ZNF253: variants seen among roughly 807,000 people sequenced by gnomAD.
The protein encoded by ZNF253 is zinc finger protein 253.
Under a neutral mutation model 11.9 loss-of-function variants are expected in ZNF253, and 8 were observed. The ratio of observed to expected loss-of-function variants is 0.67; its 90% CI spans 0.40 to 1.22. The LOEUF (loss-of-function observed/expected upper bound fraction) is 1.22, where lower values mean the gene tolerates loss of function less well. ZNF253 is among the 50% of genes most tolerant of loss of function. ZNF253 has a pLI of 0.01. For synonymous variants in ZNF253, 194 were observed against 194.9 expected (o/e 1.00, Z 0.04); for missense variants, 485 against 586.9 (o/e 0.83, Z 1.79).
chr19:19,876,650 A>G (rs2063157329), intron 1 of ZNF253, among the ~76,000 whole-genome samples: 1 of 152,128 alleles, frequency 6.6e-6, no homozygotes, highest in East Asian at 1.9e-4. Flanking sequence ...GCATATTATC[A>G]AGATACGGGT....
At chr19:19,872,580 T>TATATATATATATATATATATATATATATA (rs1555777030) in intron 1 of ZNF253, among the ~76,000 whole-genome samples, 3 of 108,378 alleles carry the variant, frequency 2.8e-5, no homozygotes, top group African/African-American at 1.5e-4. Flanking sequence ...TATATATATA[T>TATATATATATATATATATATATATATATA]TATTATATAT....
At chr19:19,889,566 G>A (rs1054213790) in intron 3 of ZNF253, among the ~76,000 whole-genome samples, 14 of 151,770 alleles carry the variant, frequency 9.2e-5, no homozygotes, top group Non-Finnish European at 1.6e-4. Context: ...GGCTGATCTT[G>A]AACTCCTGAC....
intron 3 of ZNF253, among the ~76,000 whole-genome samples, chr19:19,886,347 A>G (rs887289058): frequency 6.6e-6 from 1 of 152,222 alleles, no homozygotes; most frequent in Non-Finnish European, 1.5e-5. Flanking sequence ...CCAGATGCAA[A>G]TAAGAATATT....
intron 3 of ZNF253, among the ~76,000 whole-genome samples, chr19:19,884,395 C>T (rs966936627): frequency 4.6e-4 from 69 of 150,486 alleles, no homozygotes; most frequent in African/African-American, 1.6e-3. Flanking sequence ...TTTTTGAGAT[C>T]GAGTCTCCCG....
At chr19:19,875,681 C>T (rs2063152424) in intron 1 of ZNF253, among the ~76,000 whole-genome samples, 1 of 152,192 alleles carries the variant, frequency 6.6e-6, no homozygotes, top group Admixed American at 6.5e-5. Context: ...AGGCGTGAGC[C>T]ACCGCGCCCA....
chr19:19,867,098 C>A (rs1052970735), intron 1 of ZNF253, among the ~76,000 whole-genome samples: 1 of 152,092 alleles, frequency 6.6e-6, no homozygotes, highest in African/African-American at 2.4e-5. Flanking sequence ...AACAACACTT[C>A]AGGAGGTCGA....
chr19:19,891,531 A>C lies in ZNF253; in HGVS notation c.284A>C (p.Gln95Pro), dbSNP rs2063229564. The C allele has an allele frequency of 6.2e-7, 1 of 1,613,164 alleles. No individual in the cohort carries two copies. The highest frequency in any genetic ancestry group is 1.1e-5 in the South Asian group (1 of 90,934). Residue 95 changes from glutamine (Q) to proline (P), a missense_variant, in exon 4 of 4, where the codon CAA (glutamine) becomes CCA (proline). Physicochemically the swap from Gln to Pro is moderately conservative, Grantham distance 76 (BLOSUM62 -1). Coordinates refer to ENST00000589717, the MANE Select transcript of ZNF253 (RefSeq NM_021047.3). ...CCAGAGAACATACAAAATTCTTTCC[A>C]AATAGGGATGCTGAGAAGATATGAA... ...LWPENIQNSF[Q>P]IGMLRRYEEC...
chr19:19,866,753 C>T (rs2063113027), intron 1 of ZNF253, among the ~76,000 whole-genome samples: 1 of 152,126 alleles, frequency 6.6e-6, no homozygotes, highest in Admixed American at 6.6e-5. Context: ...CCGCCTCGGC[C>T]TCCCAGTTTG....
At position 19,892,463 on chromosome 19, in the gene ZNF253, AC is replaced by A; in HGVS notation, c.1218del (p.Trp407GlyfsTer33). 6.2e-7 allele frequency: 1 copy of A among 1,614,050 alleles called. No individual in the cohort carries two copies. Among genetic ancestry groups the A allele is most frequent in the South Asian group, 1.1e-5 (1 of 91,078 alleles). On this transcript the variant is annotated frameshift_variant, in exon 4 of 4. Coordinates refer to ENST00000589717, the MANE Select transcript of ZNF253 (RefSeq NM_021047.3). LOFTEE classifies it low-confidence loss of function (END_TRUNC). ...YKCDECGKTF[T>X]WPSILSKHKR... ...ATGTGATGAATGTGGCAAAACCTTT[AC>A]CTGGCCCTCAATCCTCTCCAAACAT...
intron 1 of ZNF253, among the ~76,000 whole-genome samples, chr19:19,871,887 C>G (rs2063135169): frequency 6.6e-6 from 1 of 152,074 alleles, no homozygotes; most frequent in African/African-American, 2.4e-5. Flanking sequence ...TCTAGAATTA[C>G]CAGACATGAT....
In ZNF253 at chr19:19,894,160, T is replaced by C. The variant is rs2122147677; in HGVS notation, c.*1413T>C. On this transcript the variant is annotated 3_prime_UTR_variant, in exon 4 of 4. Coordinates refer to ENST00000589717, the MANE Select transcript of ZNF253 (RefSeq NM_021047.3). ...ATAAAAACTAATCCACAGCTACAGCTGTTAGATAAATTATTTCTATATAAT... is the reference window on the plus strand; with the variant it reads ...ATAAAAACTAATCCACAGCTACAGCCGTTAGATAAATTATTTCTATATAAT... 6.6e-6 allele frequency: 1 copy of C among 152,350 alleles called. No homozygotes were observed. Among genetic ancestry groups the C allele is most frequent in the South Asian group, 2.1e-4 (1 of 4,832 alleles). The allele number at this position is 152,350 out of a possible 1,614,324, so 9.4% of individuals were successfully genotyped here. A position where few individuals can be genotyped will look rare whatever the true frequency, so the allele number is the denominator to read the frequency against.
intron 3 of ZNF253, among the ~76,000 whole-genome samples, chr19:19,890,600 A>G (rs2122140267): frequency 1.3e-5 from 2 of 150,290 alleles, no homozygotes; most frequent in South Asian, 4.2e-4. Flanking sequence ...TTAGCTCACT[A>G]CAATCTCCGT....
chr19:19,891,661 T>C lies in ZNF253; in HGVS notation c.414T>C (p.Thr138=). 1 of 1,614,138 alleles carries C rather than the reference T, an allele frequency of 6.2e-7. No homozygotes were observed. Among genetic ancestry groups the C allele is most frequent in the South Asian group, 1.1e-5 (1 of 91,080 alleles). ...ATGGACTTAACCAATGTTTGACAAC[T>C]ACCCAGAAAGAAATATTTCAATGTG... The part of the protein sequence containing the change: ...GYNGLNQCLT[T]TQKEIFQCDK... Residue 138 remains threonine, a synonymous_variant, in exon 4 of 4, where the codon ACT becomes ACC. Coordinates refer to ENST00000589717, the MANE Select transcript of ZNF253 (RefSeq NM_021047.3).
intron 1 of ZNF253, among the ~76,000 whole-genome samples, chr19:19,872,639 C>T (rs142921409): frequency 0.01 from 1,465 of 142,726 alleles, 13 homozygotes; most frequent in South Asian, 0.029. Context: ...AAATATCTGA[C>T]AACTTTGTAT....
chr19:19,868,232 A>G (rs112835612), intron 1 of ZNF253, among the ~76,000 whole-genome samples: 16,954 of 151,974 alleles, frequency 0.11, 1,914 homozygotes, highest in African/African-American at 0.29. Flanking sequence ...TTTTGTTGCA[A>G]TTGCTTTTGG....
In ZNF253 at chr19:19,891,597, A is replaced by G. The variant is rs1461967769; in HGVS notation, c.350A>G (p.Lys117Arg). ...HDNLQLKKGC[K>R]SVGEHKVHKG... The stretch of plus-strand genomic sequence containing the variant: ...AATTTACAGTTAAAAAAAGGCTGTA[A>G]AAGCGTGGGTGAGCATAAGGTGCAC... Residue 117 changes from lysine (K) to arginine (R), a missense_variant, in exon 4 of 4, where the codon AAA (lysine) becomes AGA (arginine). Lys to Arg is a conservative substitution (Grantham distance 26, BLOSUM62 2). This residue lies in a region of ZNF253 where 218 missense variants were observed against 213.1 expected (regional missense o/e 1.02). Coordinates refer to ENST00000589717, the MANE Select transcript of ZNF253 (RefSeq NM_021047.3). 4 of 1,614,046 alleles carry G rather than the reference A, an allele frequency of 2.5e-6. No individual in the cohort carries two copies. In the African/African-American group the frequency reaches 5.3e-5, roughly 22 times the overall value.
chr19:19,869,382 TTC>T (rs944962122), intron 1 of ZNF253, among the ~76,000 whole-genome samples: 1 of 152,100 alleles, frequency 6.6e-6, no homozygotes, highest in African/African-American at 2.4e-5. Context: ...CATTTTTTTT[TTC>T]GAGGTGTTTT....
Position 19,876,899 on chromosome 19 carries a change from C to T in ZNF253, c.4-1582C>T, listed in dbSNP as rs571830839. Among the ~76,000 whole-genome samples, 29 of 151,996 alleles carry T rather than the reference C, an allele frequency of 1.9e-4. No individual in the cohort carries two copies. The South Asian group carries it at 5.8e-3, about 31-fold the overall frequency. On this transcript the variant is annotated intron_variant, in intron 1 of 3. Transcript: ENST00000589717. Reference sequence around the variant, plus strand: ...TCTGTAAAATATTTATTTTCTATACCTTAGAGCCTTCTCTACATTTGCTGC... The same window carrying T: ...TCTGTAAAATATTTATTTTCTATACTTTAGAGCCTTCTCTACATTTGCTGC...
chr19:19,878,294 G>T (rs1175806692), intron 1 of ZNF253, among the ~76,000 whole-genome samples, 187 bp from the exon 2 acceptor site: 2 of 149,520 alleles, frequency 1.3e-5, no homozygotes, highest in African/African-American at 4.9e-5. Flanking sequence ...ATCTTGTGCC[G>T]CTCTTTTTTC....
Sources: allele counts gnomAD v4.1 joint callset (sites outside exome capture counted in the v4.1 genomes callset), GRCh38; gene constraint gnomAD v4.1.1; regional missense constraint gnomAD v4.1.1; transcripts MANE v1.5; gene names NCBI Gene and HGNC (gene_info 2026-07-23, HGNC 2026-07-21).